The following CNTN6 variants were observed in gnomAD, a reference collection of about 807,000 sequenced individuals.
The protein encoded by CNTN6 is contactin 6.
In CNTN6, 137 loss-of-function variants were observed where a neutral mutation model predicts 122.8. The observed-to-expected ratio is 1.12, with a 90% CI of 0.97 to 1.29. The LOEUF (loss-of-function observed/expected upper bound fraction) is 1.29. Among genes scored for constraint, CNTN6 ranks in the 50% most tolerant of loss-of-function variants. The pLI is 0.00. For synonymous variants in CNTN6, 570 were observed against 426.0 expected, an observed-to-expected ratio of 1.34 and a Z score of -4.16; for missense variants, 1,634 against 1,223.4, an observed-to-expected ratio of 1.34 and a Z score of -5.01.
At chr3:1,300,449 C>CAGGA (rs72054486) in intron 7 of CNTN6, among the ~76,000 whole-genome samples, 23,241 of 114,062 alleles carry the variant, frequency 0.2, 2,569 homozygotes, top group East Asian at 0.34. Context: ...AGGGTCAGTT[C>CAGGA]AGGAAGGAAG....
At chr3:1,315,479 A>G (rs184989854) in intron 7 of CNTN6, among the ~76,000 whole-genome samples, 1 of 152,014 alleles carries the variant, frequency 6.6e-6, no homozygotes, top group African/African-American at 2.4e-5. Flanking sequence ...ACCCATCTAA[A>G]GGTGAGTATC....
At chr3:1,161,260 GAT>G (rs200977178) in intron 2 of CNTN6, among the ~76,000 whole-genome samples, 94 of 99,700 alleles carry the variant, frequency 9.4e-4, no homozygotes, top group Admixed American at 2.1e-3. Flanking sequence ...ATATATATAT[GAT>G]ATATATATAT....
intron 2 of CNTN6, among the ~76,000 whole-genome samples, chr3:1,167,614 C>G (rs1243914367): frequency 6.6e-6 from 1 of 151,874 alleles, no homozygotes; most frequent in African/African-American, 2.4e-5. Flanking sequence ...TTAAACATAC[C>G]GTAAGTCCCT....
chr3:1,237,150 G>T (rs2094433048), intron 4 of CNTN6, among the ~76,000 whole-genome samples: 1 of 151,762 alleles, frequency 6.6e-6, no homozygotes, highest in African/African-American at 2.4e-5. Context: ...ACATTATACA[G>T]AAAATTAAAG....
chr3:1,304,425 C>T (rs1223102184), intron 7 of CNTN6, among the ~76,000 whole-genome samples: 4 of 152,186 alleles, frequency 2.6e-5, no homozygotes, highest in African/African-American at 9.7e-5. Flanking sequence ...TTCAAATCTA[C>T]ATCTCATAGA....
intron 11 of CNTN6, among the ~76,000 whole-genome samples, chr3:1,350,650 G>T (rs1347086749): frequency 6.6e-6 from 1 of 151,692 alleles, no homozygotes; most frequent in Non-Finnish European, 1.5e-5. Flanking sequence ...TTCCTTTCTG[G>T]AAGTTATGTG....
intron 1 of CNTN6, among the ~76,000 whole-genome samples, chr3:1,111,877 G>C (rs145778057): frequency 6.6e-6 from 1 of 151,774 alleles, no homozygotes; most frequent in Non-Finnish European, 1.5e-5. Context: ...AGTAGAAGTG[G>C]GTACTTAAGA....
intron 5 of CNTN6, among the ~76,000 whole-genome samples, chr3:1,289,798 C>T (rs1192133673): frequency 6.6e-6 from 1 of 151,862 alleles, no homozygotes; most frequent in East Asian, 1.9e-4. Flanking sequence ...CCTCAGTCTC[C>T]CCAGCAGCTG....
At position 1,093,041 on chromosome 3, in the gene CNTN6, C is replaced by G; in HGVS notation, c.-162C>G. The G allele has an allele frequency of 3.0e-6, 1 of 334,280 alleles. No homozygotes were observed. The highest frequency in any genetic ancestry group is 5.9e-6 in the Non-Finnish European group (1 of 168,420). The allele number at this position is 334,280 out of a possible 1,614,324, so 20.7% of individuals were successfully genotyped here. A position where few individuals can be genotyped will look rare whatever the true frequency, so the allele number is the denominator to read the frequency against. On this transcript the variant is annotated 5_prime_UTR_variant, in exon 1 of 23. Transcript: ENST00000446702. The stretch of plus-strand genomic sequence containing the variant: ...GACATTCCATACGGCTTGGTTCTGC[C>G]TGGACGCACAGCATGCCTGGCTGAG...
In CNTN6 at chr3:1,107,535, A is replaced by T. The variant is rs188155527; in HGVS notation, c.-83+14415A>T. 5.3e-5 allele frequency among the ~76,000 whole-genome samples: 8 copies of T among 152,228 alleles called. No individual in the cohort carries two copies. The East Asian group carries it at 1.5e-3, about 29-fold the overall frequency. On this transcript the variant is annotated intron_variant, in intron 1 of 22. Coordinates refer to ENST00000446702, the MANE Select transcript of CNTN6 (RefSeq NM_001289080.2). The stretch of plus-strand genomic sequence containing the variant: ...CCTCCTTAAAATTAGATTGCTCATT[A>T]AATGTGTCATTAATCATATTTTAGA...
rs115968424 is a variant in CNTN6 at position 1,261,721 on chromosome 3, A to G, written c.359-16692A>G. On this transcript the variant is annotated intron_variant, in intron 4 of 22. Coordinates refer to ENST00000446702, the MANE Select transcript of CNTN6 (RefSeq NM_001289080.2). ...TGGGGCACCTACAGTGGCTGCTACA[A>G]TCATACTTTAAAAGAACTATAACAC... 3.3e-3 allele frequency among the ~76,000 whole-genome samples: 496 copies of G among 152,294 alleles called. 2 individuals are homozygous for G. The highest frequency in any genetic ancestry group is 0.011 in the African/African-American group (467 of 41,568).
intron 12 of CNTN6, among the ~76,000 whole-genome samples, chr3:1,366,187 A>C (rs147538016): frequency 6.6e-6 from 1 of 152,206 alleles, no homozygotes; most frequent in African/African-American, 2.4e-5. Context: ...GACTTCCTAC[A>C]AATGGCTAAG....
chr3:1,184,044 T>C lies in CNTN6; in HGVS notation c.55+35981T>C, dbSNP rs574364183. ...TTTCCTACACAGATGCTTGCTTCAT[T>C]ACAGTGTGCAATTTGAGTAGGTAGT... On this transcript the variant is annotated intron_variant, in intron 2 of 22. Transcript: ENST00000446702. Among the ~76,000 whole-genome samples, 322 of 152,322 alleles carry C rather than the reference T, an allele frequency of 2.1e-3. 1 individual carries two copies. Among genetic ancestry groups the C allele is most frequent in the Non-Finnish European group, 2.5e-3 (171 of 68,020 alleles).
Position 1,348,743 on chromosome 3 carries a change from C to T in CNTN6, c.1365-3581C>T, listed in dbSNP as rs572649955. Among the ~76,000 whole-genome samples, 147 of 151,998 alleles carry T rather than the reference C, an allele frequency of 9.7e-4. 1 individual carries two copies. In the Middle Eastern group the frequency reaches 0.014, roughly 14 times the overall value. The stretch of plus-strand genomic sequence containing the variant: ...GAAAGATATGGTTAGAATCTGAGCC[C>T]TCCGCCATCTAGTGGGTACCTTGAG... On this transcript the variant is annotated intron_variant, in intron 11 of 22. Coordinates refer to ENST00000446702, the MANE Select transcript of CNTN6 (RefSeq NM_001289080.2).
chr3:1,300,460 G>C (rs771956912), intron 7 of CNTN6, among the ~76,000 whole-genome samples: 8 of 72,764 alleles, frequency 1.1e-4, no homozygotes, highest in Non-Finnish European at 2.3e-4. Context: ...AGGAAGGAAG[G>C]AAGGAAGGAA....
intron 7 of CNTN6, among the ~76,000 whole-genome samples, chr3:1,303,054 A>G (rs1697703158): frequency 6.6e-6 from 1 of 151,710 alleles, no homozygotes; most frequent in South Asian, 2.1e-4. Flanking sequence ...CATCAAAGCC[A>G]TCCCTCATTT....
Position 1,383,023 on chromosome 3 carries a change from A to C in CNTN6, c.2248A>C (p.Lys750Gln). Residue 750 changes from lysine to glutamine, a missense_variant, in exon 18 of 23, where the codon AAG becomes CAG. By Grantham distance (53) the Lys-to-Gln change is moderately conservative. Coordinates refer to ENST00000446702, the MANE Select transcript of CNTN6 (RefSeq NM_001289080.2). ...GCCAGTGGGCTCGACAACCTGGTCCAAGGAGAAAGTGTCATCTGTGGAATC... is the reference window on the plus strand; with the variant it reads ...GCCAGTGGGCTCGACAACCTGGTCCCAGGAGAAAGTGTCATCTGTGGAATC... The part of the protein sequence containing the change: ...FRPVGSTTWS[K>Q]EKVSSVESSR... 1 of 1,614,120 alleles carries C rather than the reference A, an allele frequency of 6.2e-7. No homozygotes were observed.
intron 20 of CNTN6, among the ~76,000 whole-genome samples, chr3:1,398,950 T>C (rs1040283808): frequency 6.6e-6 from 1 of 152,170 alleles, no homozygotes; most frequent in Non-Finnish European, 1.5e-5. Context: ...AATGCAAACA[T>C]GTCAATGACA....
chr3:1,331,737 A>C (rs544315706), intron 11 of CNTN6, among the ~76,000 whole-genome samples: 22 of 151,970 alleles, frequency 1.4e-4, no homozygotes, highest in African/African-American at 5.1e-4. Context: ...GAATGATGGC[A>C]TTTACCTTCC....
Sources: allele counts gnomAD v4.1 joint callset (sites outside exome capture counted in the v4.1 genomes callset), GRCh38; gene constraint gnomAD v4.1.1; transcripts MANE v1.5; gene names NCBI Gene and HGNC (gene_info 2026-07-23, HGNC 2026-07-21).